The following CHST8 variants were observed in gnomAD, a reference collection of about 807,000 sequenced individuals.
CHST8 encodes the protein carbohydrate sulfotransferase 8.
A neutral mutation model predicts 15.0 loss-of-function variants in CHST8; 10 were observed. The observed-to-expected ratio is 0.67, with a 90% CI of 0.41 to 1.13. CHST8 has a LOEUF of 1.13. Among genes scored for constraint, CHST8 ranks in the 50% most tolerant of loss-of-function variants. The probability of loss-of-function intolerance (pLI) is 0.00; values close to 1 mark genes in which losing one functional copy is unlikely to be tolerated. For synonymous variants in CHST8, 259 were observed against 256.6 expected (o/e 1.01, Z -0.09); for missense variants, 634 against 608.2 (o/e 1.04, Z -0.45).
intron 3 of CHST8, among the ~76,000 whole-genome samples, chr19:33,765,531 G>A (rs1974817224): frequency 7.9e-6 from 1 of 127,272 alleles, no homozygotes; most frequent in Non-Finnish European, 1.7e-5. Flanking sequence ...GTGTGTGTGT[G>A]TGTGTGTGTG....
chr19:33,706,202 G>T (rs1973442462), intron 3 of CHST8, among the ~76,000 whole-genome samples: 1 of 152,188 alleles, frequency 6.6e-6, no homozygotes, highest in Admixed American at 6.5e-5. Flanking sequence ...GCATTGGAGG[G>T]CCAGCCTGGG....
At chr19:33,753,091 C>T (rs1263884070) in intron 3 of CHST8, among the ~76,000 whole-genome samples, 1 of 152,052 alleles carries the variant, frequency 6.6e-6, no homozygotes, top group East Asian at 1.9e-4. Flanking sequence ...ATTGGAGCCA[C>T]CACTGTCACC....
intron 3 of CHST8, among the ~76,000 whole-genome samples, chr19:33,758,785 C>T (rs1228204489): frequency 6.6e-6 from 1 of 152,230 alleles, no homozygotes; most frequent in Non-Finnish European, 1.5e-5. Flanking sequence ...TGTAAACAGG[C>T]ATGTGTCAGC....
At chr19:33,749,099 G>GCAT (rs1974366383) in intron 3 of CHST8, among the ~76,000 whole-genome samples, 1 of 152,136 alleles carries the variant, frequency 6.6e-6, no homozygotes, top group African/African-American at 2.4e-5. Context: ...GAAGGGGTGT[G>GCAT]CATGCCCCAG....
rs755946320 is a variant in CHST8, at chr19:33,657,515, G to A, written c.-163-10252G>A. On this transcript the variant is annotated intron_variant, in intron 1 of 4. Coordinates refer to ENST00000650847, the MANE Select transcript of CHST8 (RefSeq NM_001127895.2). ...TCGAACTCCTGACCTTAAGCAATTC[G>A]CCCACCTCAGCCTCCCAAAATGTTG... 4.0e-5 allele frequency among the ~76,000 whole-genome samples: 6 copies of A among 148,334 alleles called. No homozygotes were observed. The South Asian group carries it at 6.4e-4, about 16-fold the overall frequency.
chr19:33,740,800 T>C (rs950718120), intron 3 of CHST8, among the ~76,000 whole-genome samples: 7 of 152,192 alleles, frequency 4.6e-5, no homozygotes, highest in African/African-American at 1.7e-4. Flanking sequence ...GTTTCTGAAC[T>C]TATCGGCATC....
chr19:33,690,639 C>T (rs910730204), intron 3 of CHST8, among the ~76,000 whole-genome samples: 3 of 152,220 alleles, frequency 2.0e-5, no homozygotes, highest in African/African-American at 4.8e-5. Flanking sequence ...TCGGTGCTGA[C>T]TCACGCCTGT....
chr19:33,708,400 G>A (rs1451016924), intron 3 of CHST8, among the ~76,000 whole-genome samples: 3 of 152,250 alleles, frequency 2.0e-5, no homozygotes, highest in Middle Eastern at 3.4e-3. Flanking sequence ...TTTGAGCCAC[G>A]TTTTGTGTAT....
At chr19:33,639,637 G>A (rs1003398994) in intron 1 of CHST8, among the ~76,000 whole-genome samples, 2 of 152,038 alleles carry the variant, frequency 1.3e-5, no homozygotes, top group African/African-American at 4.8e-5. Flanking sequence ...TGTGGAGATC[G>A]TTGATGGGTG....
At chr19:33,736,395 C>T (rs1030369952) in intron 3 of CHST8, among the ~76,000 whole-genome samples, 1 of 152,202 alleles carries the variant, frequency 6.6e-6, no homozygotes, top group Non-Finnish European at 1.5e-5. Context: ...AGGCCTGCCT[C>T]CCTGTGGATG....
In CHST8 at chr19:33,765,444, G is replaced by A. The variant is rs572649936; in HGVS notation, c.131-5969G>A. Among the ~76,000 whole-genome samples, 3 of 151,950 alleles carry A rather than the reference G, an allele frequency of 2.0e-5. No homozygotes were observed. The South Asian group carries it at 6.2e-4, about 32-fold the overall frequency. ...GCAGGAACAAACCAAAGCACCTCCC[G>A]TGATGGTTAATTATATACGTCACCT... is the stretch of plus-strand genomic sequence containing the variant. On this transcript the variant is annotated intron_variant, in intron 3 of 4. Coordinates refer to ENST00000650847, the MANE Select transcript of CHST8 (RefSeq NM_001127895.2).
chr19:33,670,995 G>A (rs1355698553), intron 2 of CHST8, among the ~76,000 whole-genome samples: 1 of 152,148 alleles, frequency 6.6e-6, no homozygotes, highest in Non-Finnish European at 1.5e-5. Context: ...CTGGACCCCG[G>A]CATCCTGGCA....
chr19:33,741,439 G>T (rs1974191988), intron 3 of CHST8, among the ~76,000 whole-genome samples: 1 of 152,222 alleles, frequency 6.6e-6, no homozygotes, highest in Admixed American at 6.5e-5. Flanking sequence ...GTTTCTGATA[G>T]TCCTTTTTGA....
In CHST8 at chr19:33,657,126, T is replaced by TACAC. The variant is rs530334678; in HGVS notation, c.-163-10613_-163-10610dup. On this transcript the variant is annotated intron_variant, in intron 1 of 4. Transcript: ENST00000650847. ...TTGTGATTGCCACTTTTTGCTTTAT[T>TACAC]ACACACACACACACACACACACACA... Among the ~76,000 whole-genome samples the TACAC allele has an allele frequency of 7.3e-3, 938 of 127,884 alleles. 3 individuals carry two copies. The highest frequency in any genetic ancestry group is 8.7e-3 in the Middle Eastern group (2 of 230). 83.9% of individuals were successfully genotyped at this position (127,884 alleles called of 152,430 possible). A position where few individuals can be genotyped will look rare whatever the true frequency, so the allele number is the denominator to read the frequency against.
intron 3 of CHST8, among the ~76,000 whole-genome samples, chr19:33,709,450 A>T (rs1173336727): frequency 6.6e-6 from 1 of 152,202 alleles, no homozygotes; most frequent in Non-Finnish European, 1.5e-5. Flanking sequence ...GGATTTTGTC[A>T]AATACTTGTT....
rs112230537 is a variant in CHST8 at position 33,642,865 on chromosome 19, C to T, written c.-164+20569C>T. Among the ~76,000 whole-genome samples the T allele has an allele frequency of 7.7e-3, 1,171 of 152,320 alleles. 19 individuals are homozygous for T. Among genetic ancestry groups the T allele is most frequent in the Non-Finnish European group, 9.9e-3 (673 of 68,038 alleles). The stretch of plus-strand genomic sequence containing the variant: ...AAAATGCAATAATCTTTATGCCTAC[C>T]GCACATAACCTGTTTAATCACTTTG... On this transcript the variant is annotated intron_variant, in intron 1 of 4. Coordinates refer to ENST00000650847, the MANE Select transcript of CHST8 (RefSeq NM_001127895.2).
chr19:33,694,210 ATATATATAT>A (rs1973162526), intron 3 of CHST8, among the ~76,000 whole-genome samples: 1 of 86,344 alleles, frequency 1.2e-5, no homozygotes, highest in African/African-American at 4.9e-5. Flanking sequence ...ATATATATAT[ATATATATAT>A]AATGTTACCA....
In CHST8 at chr19:33,650,518, C is replaced by CTTTTTTTT. The variant is rs869057036; in HGVS notation, c.-163-17227_-163-17220dup. ...TTCTTTTTCTTTTTCTTTTTCTTTT[C>CTTTTTTTT]TTTTTTTTTTTTTTTTTTTTTTTTT... On this transcript the variant is annotated intron_variant, in intron 1 of 4. Coordinates refer to ENST00000650847, the MANE Select transcript of CHST8 (RefSeq NM_001127895.2). Among the ~76,000 whole-genome samples the CTTTTTTTT allele has an allele frequency of 3.6e-4, 13 of 36,112 alleles. 1 individual carries two copies. Among genetic ancestry groups the CTTTTTTTT allele is most frequent in the East Asian group, 1.9e-3 (2 of 1,052 alleles). 23.7% of individuals were successfully genotyped at this position (36,112 alleles called of 152,430 possible).
chr19:33,762,788 A>T lies in CHST8; in HGVS notation c.131-8625A>T, dbSNP rs190307240. On this transcript the variant is annotated intron_variant, in intron 3 of 4. Coordinates refer to ENST00000650847, the MANE Select transcript of CHST8 (RefSeq NM_001127895.2). ...CGATGAATTTTTAGCCCATTTTACC[A>T]ATGAAACACGTTCAGCAAGGTCAAG... Among the ~76,000 whole-genome samples, 67 of 152,204 alleles carry T rather than the reference A, an allele frequency of 4.4e-4. 2 individuals carry two copies. The East Asian group carries it at 0.01, about 24-fold the overall frequency.
Sources: allele counts gnomAD v4.1 joint callset (sites outside exome capture counted in the v4.1 genomes callset), GRCh38; gene constraint gnomAD v4.1.1; transcripts MANE v1.5; gene names NCBI Gene and HGNC (gene_info 2026-07-23, HGNC 2026-07-21).